The following SCRG1 variants were observed in gnomAD, a reference collection of about 807,000 sequenced individuals.
The protein encoded by SCRG1 is stimulator of chondrogenesis 1.
A neutral mutation model predicts 7.7 loss-of-function variants in SCRG1; 3 were observed. That is an observed-to-expected ratio of 0.39 (90% CI 0.18 to 1.01). The LOEUF is 1.01. Among genes scored for constraint, SCRG1 ranks in the 50% least tolerant of loss-of-function variants. The pLI is 0.36. For missense variants in SCRG1, 110 were observed against 117.2 expected, an observed-to-expected ratio of 0.94 and a Z score of 0.28; for synonymous variants, 46 against 41.2, an observed-to-expected ratio of 1.12 and a Z score of -0.44.
chr4:173,443,368 G>T, the SCRG1 span, among the ~76,000 whole-genome samples: 2 of 152,156 alleles, frequency 1.3e-5, no homozygotes, highest in South Asian at 2.1e-4. Context: ...ACATAAGAAA[G>T]CCTGGGGGAA....
the SCRG1 span, among the ~76,000 whole-genome samples, chr4:173,478,821 G>A: frequency 2.6e-5 from 4 of 152,254 alleles, no homozygotes; most frequent in East Asian, 5.8e-4. Context: ...AAAAACAAAT[G>A]AAATAAAGAA....
At chr4:173,446,729 T>C in the SCRG1 span, 4 of 152,340 alleles carry the variant, frequency 2.6e-5, no homozygotes, top group African/African-American at 7.2e-5. Context: ...TAATATTCTG[T>C]GACACAAAAT....
At chr4:173,430,974 C>T in the SCRG1 span, among the ~76,000 whole-genome samples, 62,567 of 151,716 alleles carry the variant, frequency 0.41, 15,119 homozygotes, top group East Asian at 0.58. Flanking sequence ...GTGGGGACTC[C>T]AAAAGGGCAA....
the SCRG1 span, among the ~76,000 whole-genome samples, chr4:173,483,806 GATATGTAAT>G: frequency 3.5e-4 from 3 of 8,676 alleles, 1 homozygote; most frequent in African/African-American, 9.6e-4. Flanking sequence ...TATGATATAT[GATATGTAAT>G]ATATATAATA....
rs1297321274 is a variant in SCRG1 at position 173,391,438 on chromosome 4, A to C, written c.-14-10T>G. 6.2e-7 allele frequency: 1 copy of C among 1,613,332 alleles called. No homozygotes were observed. Among genetic ancestry groups the C allele is most frequent in the South Asian group, 1.1e-5 (1 of 91,046 alleles). The stretch of plus-strand genomic sequence containing the variant: ...ATTTTGGCTTTTGGCCCTGAAATAG[A>C]AGAAAGACCAAAATGTGTCAATGTT... On this transcript the variant is annotated splice_polypyrimidine_tract_variant and intron_variant, in intron 1 of 2. Coordinates refer to ENST00000296506, the MANE Select transcript of SCRG1 (RefSeq NM_007281.4).
the SCRG1 span, among the ~76,000 whole-genome samples, chr4:173,432,303 CT>C: frequency 7.3e-5 from 10 of 137,036 alleles, no homozygotes; most frequent in South Asian, 5.0e-4. Flanking sequence ...TCCTCCCCCC[CT>C]CCCTCCCTCC....
At chr4:173,454,312 T>G in the SCRG1 span, among the ~76,000 whole-genome samples, 1 of 152,026 alleles carries the variant, frequency 6.6e-6, no homozygotes, top group Non-Finnish European at 1.5e-5. Flanking sequence ...CTGGAGAAAC[T>G]TTCCCACTGT....
At position 173,391,382 on chromosome 4, in the gene SCRG1, C is replaced by A. The variant is rs1739440584; in HGVS notation, c.33G>T (p.Gly11=). The A allele has an allele frequency of 5.6e-6, 9 of 1,614,124 alleles. No individual in the cohort carries two copies. Among genetic ancestry groups the A allele is most frequent in the Non-Finnish European group, 7.6e-6 (9 of 1,180,000 alleles). Residue 11 remains glycine (G), a synonymous_variant, in exon 2 of 3, where the codon GGG becomes GGT. Coordinates refer to ENST00000296506, the MANE Select transcript of SCRG1 (RefSeq NM_007281.4). MKLMVLVFTI[G]LTLLLGVQAM... is the part of the protein sequence containing the mutation. ...CTTGAACTCCTAGCAGCAAAGTTAG[C>A]CCAATGGTGAAAACAAGTACCATCA... is the stretch of plus-strand genomic sequence containing the variant.
the SCRG1 span, among the ~76,000 whole-genome samples, chr4:173,484,100 TA>T: frequency 2.6e-5 from 1 of 38,200 alleles, no homozygotes; most frequent in African/African-American, 7.9e-5. Flanking sequence ...ATACCATATA[TA>T]ATATATAATA....
rs1331075868 is a variant in SCRG1, at chr4:173,386,402, C to T, written c.*1939G>A. On this transcript the variant is annotated 3_prime_UTR_variant, in exon 3 of 3. Transcript: ENST00000296506. Reference sequence around the variant, plus strand: ...TGACCTCGTGATAAGCCCGCCTCCGCCTCCCAAAGTGCTGGGATTACAGGC... The same window carrying T: ...TGACCTCGTGATAAGCCCGCCTCCGTCTCCCAAAGTGCTGGGATTACAGGC... The T allele has an allele frequency of 6.6e-6, 1 of 152,142 alleles. No individual in the cohort carries two copies. The highest frequency in any genetic ancestry group is 2.4e-5 in the African/African-American group (1 of 41,354). 9.4% of individuals were successfully genotyped at this position (152,142 alleles called of 1,614,324 possible).
the SCRG1 span, among the ~76,000 whole-genome samples, chr4:173,506,176 G>T: frequency 2.6e-5 from 4 of 152,206 alleles, no homozygotes; most frequent in African/African-American, 9.7e-5. The surrounding 1 kb of genome is among the most constrained non-coding windows in gnomAD (Gnocchi z 5.3). Context: ...GGACTCCTCT[G>T]GTTGAGTAAG....
chr4:173,517,480 AT>A, the SCRG1 span, among the ~76,000 whole-genome samples: 311 of 149,016 alleles, frequency 2.1e-3, 2 homozygotes, highest in East Asian at 8.8e-3. Flanking sequence ...AGTAACTGCT[AT>A]TTTTTTTTTC....
Position 173,391,325 on chromosome 4 carries a change from T to C in SCRG1, c.90A>G (p.Arg30=). 3.1e-6 allele frequency: 5 copies of C among 1,614,208 alleles called. No individual in the cohort carries two copies. The highest frequency in any genetic ancestry group is 4.2e-6 in the Non-Finnish European group (5 of 1,180,026). ...GACAGTTGTGATCTTTTAGTATCTT[T>C]CTGTAGCAAGAGAGGCGATTTGCAG... ...AMPANRLSCY[R]KILKDHNCHN... is the part of the protein sequence containing the mutation. The change falls in exon 2 of 3, where the codon AGA becomes AGG. Residue 30 remains arginine, a synonymous_variant. Transcript: ENST00000296506.
At chr4:173,398,415 T>C (rs1018838637) in intron 1 of SCRG1, 5 of 152,178 alleles carry the variant, frequency 3.3e-5, no homozygotes, top group Admixed American at 3.3e-4. Context: ...GGACCAGCAT[T>C]TGGGAGAGCT....
chr4:173,487,212 T>G, the SCRG1 span, among the ~76,000 whole-genome samples: 3 of 152,180 alleles, frequency 2.0e-5, no homozygotes, highest in African/African-American at 7.2e-5. Flanking sequence ...ATGTTCTGAA[T>G]TTAGGAAATG....
chr4:173,483,813 A>ATATATC, the SCRG1 span, among the ~76,000 whole-genome samples: 22 of 12,978 alleles, frequency 1.7e-3, 1 homozygote, highest in Non-Finnish European at 1.8e-3. Flanking sequence ...TATGATATGT[A>ATATATC]ATATATATAA....
At chr4:173,430,886 A>G in the SCRG1 span, among the ~76,000 whole-genome samples, 5 of 151,960 alleles carry the variant, frequency 3.3e-5, no homozygotes, top group African/African-American at 2.4e-5. Flanking sequence ...TCATCAGAAA[A>G]AACAGCCACT....
the SCRG1 span, among the ~76,000 whole-genome samples, chr4:173,434,543 C>G: frequency 1.3e-5 from 2 of 152,258 alleles, no homozygotes; most frequent in South Asian, 4.1e-4. Context: ...TAATAAATAA[C>G]TAAATTGCCG....
chr4:173,402,862 T>A (rs1029182152), upstream of SCRG1, among the ~76,000 whole-genome samples: 6 of 152,222 alleles, frequency 3.9e-5, no homozygotes, highest in African/African-American at 1.4e-4. Context: ...TCAAAATAAT[T>A]GCACTTATTG....
Sources: gnomAD v4.1 joint callset for allele counts (sites outside exome capture counted in the v4.1 genomes callset) on GRCh38, gnomAD v4.1.1 for gene constraint, Gnocchi (gnomAD v3.1) non-coding constraint, MANE v1.5 for transcripts, NCBI Gene and HGNC (gene_info 2026-07-23, HGNC 2026-07-21) for gene names.